The following THADA variants were observed in gnomAD, a reference collection of about 807,000 sequenced individuals.
THADA encodes THADA armadillo repeat containing, also known as tRNA (32-2'-O)-methyltransferase regulator THADA.
In THADA, 213 loss-of-function variants were observed where a neutral mutation model predicts 219.8. The observed-to-expected ratio is 0.97, with a 90% CI of 0.87 to 1.09. The LOEUF (loss-of-function observed/expected upper bound fraction) is 1.09. Among genes scored for constraint, THADA ranks in the 50% least tolerant of loss-of-function variants. THADA has a pLI of 0.00. For synonymous variants in THADA, 1,018 were observed against 828.9 expected (o/e 1.23, Z -3.92); for missense variants, 2,956 against 2,311.3 (o/e 1.28, Z -5.72).
At chr2:43,547,380 C>T (rs533975060) in intron 20 of THADA, among the ~76,000 whole-genome samples, 4 of 152,242 alleles carry the variant, frequency 2.6e-5, no homozygotes, top group Admixed American at 6.5e-5. Flanking sequence ...ATCTTTGTGG[C>T]GTTCTCTGTA....
At chr2:43,508,000 A>T (rs1030762553) in intron 23 of THADA, among the ~76,000 whole-genome samples, 1 of 152,172 alleles carries the variant, frequency 6.6e-6, no homozygotes, top group African/African-American at 2.4e-5. Flanking sequence ...ATATTCTCAT[A>T]TGCAGAGAGG....
intron 22 of THADA, among the ~76,000 whole-genome samples, chr2:43,513,213 C>A (rs1271988690): frequency 6.6e-6 from 1 of 152,090 alleles, no homozygotes; most frequent in Non-Finnish European, 1.5e-5. Flanking sequence ...ATGAGAAAAG[C>A]AAGTATTAAA....
chr2:43,366,999 A>G (rs1368028167), intron 29 of THADA, among the ~76,000 whole-genome samples: 1 of 152,244 alleles, frequency 6.6e-6, no homozygotes, highest in Non-Finnish European at 1.5e-5. Flanking sequence ...AAGGAATATT[A>G]TTCAGCATTA....
intron 29 of THADA, among the ~76,000 whole-genome samples, chr2:43,358,832 A>T (rs962977653): frequency 2.6e-5 from 4 of 152,132 alleles, no homozygotes; most frequent in Admixed American, 6.5e-5. Context: ...TAAAGATGGA[A>T]TTTTTTTCCC....
chr2:43,271,044 A>C (rs1247968108), intron 36 of THADA, among the ~76,000 whole-genome samples: 1 of 151,866 alleles, frequency 6.6e-6, no homozygotes, highest in Non-Finnish European at 1.5e-5. Context: ...GGAAGGGGCC[A>C]CCTCCCCTAG....
chr2:43,591,924 G>A, intron 3 of THADA, 28 bp downstream of exon 3: 6 of 1,402,148 alleles, frequency 4.3e-6, no homozygotes, highest in Non-Finnish European at 5.7e-6. Context: ...TCTTAAAGAT[G>A]CATCCATGAA....
intron 18 of THADA, 84 bp from the exon 19 acceptor site, chr2:43,552,009 G>A (rs1696808000): frequency 6.4e-7 from 1 of 1,566,234 alleles, no homozygotes. Context: ...GATTGACTTT[G>A]TGTTTCAAAA....
intron 31 of THADA, among the ~76,000 whole-genome samples, chr2:43,293,685 T>C (rs959755347): frequency 6.6e-6 from 1 of 152,184 alleles, no homozygotes; most frequent in Non-Finnish European, 1.5e-5. Flanking sequence ...AAAAAGTTCT[T>C]TTTGTGTTTC....
At chr2:43,573,593 T>C (rs1288168712) in intron 11 of THADA, among the ~76,000 whole-genome samples, 1 of 152,216 alleles carries the variant, frequency 6.6e-6, no homozygotes, top group African/African-American at 2.4e-5. Context: ...AAATTACAAA[T>C]AATGGCTTAT....
chr2:43,324,252 T>C (rs557879347), intron 30 of THADA, among the ~76,000 whole-genome samples: 61 of 152,332 alleles, frequency 4.0e-4, no homozygotes, highest in African/African-American at 1.4e-3. Flanking sequence ...TTTAGAGCCT[T>C]CTGCCAGGCT....
chr2:43,265,554 C>T (rs187245929), intron 36 of THADA, among the ~76,000 whole-genome samples: 1 of 152,106 alleles, frequency 6.6e-6, no homozygotes, highest in Non-Finnish European at 1.5e-5. Context: ...CTCCTGTATC[C>T]CCCACGGAGT....
intron 30 of THADA, among the ~76,000 whole-genome samples, chr2:43,332,611 T>C (rs1026945276): frequency 2.6e-5 from 4 of 152,330 alleles, no homozygotes; most frequent in South Asian, 2.1e-4. Context: ...AGATGTTACA[T>C]GCTAAAGGAA....
intron 31 of THADA, among the ~76,000 whole-genome samples, chr2:43,302,019 T>A (rs945219034): frequency 1.3e-5 from 2 of 151,582 alleles, no homozygotes; most frequent in African/African-American, 4.9e-5. Context: ...TAGCAGACTG[T>A]AATTTTTAAA....
chr2:43,575,861 A>G (rs1243990344), intron 10 of THADA, among the ~76,000 whole-genome samples: 1 of 152,164 alleles, frequency 6.6e-6, no homozygotes, highest in African/African-American at 2.4e-5. Context: ...AAAGATAAGG[A>G]AAGCCAAGTG....
At chr2:43,443,847 G>A (rs983177012) in intron 26 of THADA, among the ~76,000 whole-genome samples, 2 of 152,182 alleles carry the variant, frequency 1.3e-5, no homozygotes, top group Non-Finnish European at 2.9e-5. Flanking sequence ...GCTACTTGCA[G>A]ATCTCTACTT....
rs552218606 is a variant in THADA at position 43,391,603 on chromosome 2, G to GT, written c.4227+6367dup. 5.1e-3 allele frequency among the ~76,000 whole-genome samples: 767 copies of GT among 149,292 alleles called. 1 individual carries two copies. The highest frequency in any genetic ancestry group is 9.2e-3 in the Admixed American group (138 of 14,982). ...TTAACAAGGTTTAGTCCTTTCTTTA[G>GT]TTTTTTTTTTAAGAGCCCAATGCTT... is the stretch of plus-strand genomic sequence containing the variant. On this transcript the variant is annotated intron_variant, in intron 29 of 37. Transcript: ENST00000405975.
chr2:43,447,346 T>C (rs1217250078), intron 26 of THADA, among the ~76,000 whole-genome samples: 1 of 152,154 alleles, frequency 6.6e-6, no homozygotes, highest in Non-Finnish European at 1.5e-5. Context: ...ACTGTGGTCA[T>C]ACTCTTTTCT....
At chr2:43,356,206 T>G (rs1462992197) in intron 29 of THADA, among the ~76,000 whole-genome samples, 1 of 152,172 alleles carries the variant, frequency 6.6e-6, no homozygotes, top group Admixed American at 6.5e-5. Flanking sequence ...TAAACAGTAT[T>G]AAGACAATCA....
chr2:43,362,393 G>T (rs1195406717), intron 29 of THADA, among the ~76,000 whole-genome samples: 1 of 152,202 alleles, frequency 6.6e-6, no homozygotes, highest in African/African-American at 2.4e-5. Context: ...TGAGAAACGT[G>T]TTGTTAGGCG....
Sources: gnomAD v4.1 joint callset for allele counts (sites outside exome capture counted in the v4.1 genomes callset) on GRCh38, gnomAD v4.1.1 for gene constraint, MANE v1.5 for transcripts, NCBI Gene and HGNC (gene_info 2026-07-23, HGNC 2026-07-21) for gene names.